NEBL: variants seen among roughly 807,000 people sequenced by gnomAD.
NEBL encodes the protein nebulette, also known as LIM and SH3 protein 2.
NEBL carries 122 observed loss-of-function variants against 140.2 expected under a neutral mutation model. That is an observed-to-expected ratio of 0.87 (90% CI 0.75 to 1.01). NEBL has a LOEUF of 1.01. Among genes scored for constraint, NEBL ranks in the 50% least tolerant of loss-of-function variants. The pLI is 0.00. For synonymous variants in NEBL, 436 were observed against 398.9 expected (o/e 1.09, Z -1.11); for missense variants, 1,365 against 1,231.3 (o/e 1.11, Z -1.62).
At chr10:21,219,579 T>C (rs1842039762) in intron 3 of NEBL, among the ~76,000 whole-genome samples, 1 of 152,268 alleles carries the variant, frequency 6.6e-6, no homozygotes, top group South Asian at 2.1e-4. Flanking sequence ...TGACTATTCC[T>C]GGTCTTTTAT....
intron 2 of NEBL, among the ~76,000 whole-genome samples, chr10:21,101,090 C>T (rs1425166132): frequency 6.6e-6 from 1 of 152,064 alleles, no homozygotes; most frequent in Non-Finnish European, 1.5e-5. Flanking sequence ...GTGGATGGAC[C>T]AGGGATGGGG....
chr10:21,044,213 A>G (rs1186591751), intron 2 of NEBL, among the ~76,000 whole-genome samples: 3 of 151,980 alleles, frequency 2.0e-5, no homozygotes, highest in Non-Finnish European at 4.4e-5. Flanking sequence ...CCTGGCCAAC[A>G]TGGTGAAACC....
intron 2 of NEBL, among the ~76,000 whole-genome samples, chr10:21,116,606 A>C (rs1398123585): frequency 2.6e-5 from 4 of 151,856 alleles, no homozygotes; most frequent in Non-Finnish European, 5.9e-5. Flanking sequence ...GCCTTTTTCT[A>C]TATACTGTTT....
At chr10:20,831,170 T>C (rs1286727718) in intron 16 of NEBL, 26 bp downstream of exon 16, 5 of 1,473,854 alleles carry the variant, frequency 3.4e-6, no homozygotes, top group Non-Finnish European at 3.8e-6. Context: ...AATACACGAT[T>C]CTGAGCATCT....
At chr10:21,219,887 T>C (rs1219565366) in intron 3 of NEBL, among the ~76,000 whole-genome samples, 3 of 150,962 alleles carry the variant, frequency 2.0e-5, no homozygotes, top group Non-Finnish European at 4.4e-5. Context: ...GAAAGTTCAT[T>C]GTTAGTGTAT....
chr10:20,957,008 G>A (rs1410877725), intron 4 of NEBL, among the ~76,000 whole-genome samples: 2 of 152,138 alleles, frequency 1.3e-5, no homozygotes, highest in Non-Finnish European at 2.9e-5. Flanking sequence ...TCAGCAGCCT[G>A]AACATGGTTA....
chr10:21,210,780 A>T (rs1240629646), intron 3 of NEBL, among the ~76,000 whole-genome samples: 2 of 152,240 alleles, frequency 1.3e-5, no homozygotes, highest in African/African-American at 4.8e-5. Flanking sequence ...AACATACGTT[A>T]AGATATCATA....
intron 3 of NEBL, among the ~76,000 whole-genome samples, chr10:21,019,399 G>A (rs558190144): frequency 1.4e-4 from 21 of 152,262 alleles, no homozygotes; most frequent in South Asian, 2.1e-4. Context: ...CCCCTCTTCC[G>A]TCCTTACTTC....
chr10:20,869,854 A>G lies in NEBL; in HGVS notation c.481-13T>C. ...TCCTATAAGAAATCTGATCAGAGAC[A>G]GTTTTGGTTAAAAAATAAATAAATT... is the stretch of plus-strand genomic sequence containing the variant. On this transcript the variant is annotated splice_polypyrimidine_tract_variant and intron_variant, in intron 5 of 27. Transcript: ENST00000377122. 1 of 1,525,736 alleles carries G rather than the reference A, an allele frequency of 6.6e-7. No individual in the cohort carries two copies. Among genetic ancestry groups the G allele is most frequent in the Non-Finnish European group, 9.1e-7 (1 of 1,099,734 alleles). 94.5% of individuals were successfully genotyped at this position (1,525,736 alleles called of 1,614,324 possible).
At chr10:20,922,651 G>A (rs750230116) in intron 4 of NEBL, among the ~76,000 whole-genome samples, 1 of 152,216 alleles carries the variant, frequency 6.6e-6, no homozygotes, top group Non-Finnish European at 1.5e-5. Context: ...CGCAATGTAG[G>A]ATAACTTATA....
At chr10:20,893,544 C>A (rs1847204375) in intron 2 of NEBL, among the ~76,000 whole-genome samples, 1 of 152,170 alleles carries the variant, frequency 6.6e-6, no homozygotes, top group African/African-American at 2.4e-5. Flanking sequence ...ATGCCTTATA[C>A]TGATGCCCAA....
At chr10:20,989,586 G>A (rs2131682243) in intron 3 of NEBL, among the ~76,000 whole-genome samples, 1 of 152,242 alleles carries the variant, frequency 6.6e-6, no homozygotes, top group East Asian at 1.9e-4. Flanking sequence ...GAGGAGGGGA[G>A]TGCTGGCCTT....
At chr10:21,051,356 G>A (rs1272251807) in intron 2 of NEBL, among the ~76,000 whole-genome samples, 1 of 152,148 alleles carries the variant, frequency 6.6e-6, no homozygotes, top group East Asian at 1.9e-4. Context: ...TGTAATTTGT[G>A]ATACCAATAA....
In NEBL at chr10:20,918,744, G is replaced by A. The variant is rs906309417; in HGVS notation, c.357+42928C>T. 4.6e-5 allele frequency among the ~76,000 whole-genome samples: 7 copies of A among 151,094 alleles called. No homozygotes were observed. In the East Asian group the frequency reaches 5.9e-4, roughly 13 times the overall value. ...CGGGCGCCTATAGTCCCAGCTACTC[G>A]GGAGGCTGAGGCAGAAGAATGGTGT... On this transcript the variant is annotated intron_variant, in intron 4 of 6. Transcript: ENST00000417816.
chr10:20,869,090 G>A (rs1844642153), intron 6 of NEBL, among the ~76,000 whole-genome samples: 2 of 152,014 alleles, frequency 1.3e-5, no homozygotes, highest in South Asian at 4.2e-4. Context: ...TCTCCATATA[G>A]GTAGCTTTTA....
rs117516140 is a variant in NEBL, at chr10:20,799,276, A to G, written c.2761+9234T>C. 6.6e-3 allele frequency among the ~76,000 whole-genome samples: 1,008 copies of G among 152,200 alleles called. 17 individuals are homozygous for G. Among genetic ancestry groups the G allele is most frequent in the East Asian group, 0.064 (332 of 5,154 alleles). ...GTTCAAGTGATTCTCCTGCCTCAGC[A>G]TCCTAAGTAGTGGGGACCACAGGTA... On this transcript the variant is annotated intron_variant, in intron 26 of 27. Coordinates refer to ENST00000377122, the MANE Select transcript of NEBL (RefSeq NM_006393.3).
chr10:20,917,763 T>C (rs2131488323), intron 4 of NEBL, among the ~76,000 whole-genome samples: 1 of 152,340 alleles, frequency 6.6e-6, no homozygotes, highest in East Asian at 1.9e-4. Context: ...ATGGTGACCT[T>C]GTCCATAATT....
At position 21,238,694 on chromosome 10, in the gene NEBL, C is replaced by T. The variant is rs935083311; in HGVS notation, n.348+9227G>A. Among the ~76,000 whole-genome samples the T allele has an allele frequency of 7.7e-5, 7 of 90,978 alleles. No homozygotes were observed. The Admixed American group carries it at 8.7e-4, about 11-fold the overall frequency. The allele number at this position is 90,978 out of a possible 152,430, so 59.7% of individuals were successfully genotyped here. ...TACACTCCGGCCTGGGCAATAAAAG[C>T]GAAACTCCATCTCAAAAAAATTAAA... On this transcript the variant is annotated intron_variant and non_coding_transcript_variant, in intron 3 of 8. Transcript: ENST00000675702.
chr10:20,877,955 G>C (rs1173572479), intron 5 of NEBL, among the ~76,000 whole-genome samples: 1 of 152,098 alleles, frequency 6.6e-6, no homozygotes, highest in East Asian at 1.9e-4. Context: ...TTCATTCCTT[G>C]TGTGTGTCCG....
Sources: allele counts gnomAD v4.1 joint callset (sites outside exome capture counted in the v4.1 genomes callset), GRCh38; gene constraint gnomAD v4.1.1; transcripts MANE v1.5; gene names NCBI Gene and HGNC (gene_info 2026-07-23, HGNC 2026-07-21).